The following KMT2C variants were observed in gnomAD, a reference collection of about 807,000 sequenced individuals.
The protein encoded by KMT2C is histone-lysine N-methyltransferase 2C.
In KMT2C, 88 loss-of-function variants were observed where a neutral mutation model predicts 507.9. The observed-to-expected ratio is 0.17, with a 90% CI of 0.15 to 0.21. The LOEUF is 0.21. Among genes scored for constraint, KMT2C ranks in the 10% least tolerant of loss-of-function variants. The pLI is 1.00. For synonymous variants in KMT2C, 2,049 were observed against 2,080.8 expected, an observed-to-expected ratio of 0.98 and a Z score of 0.42; for missense variants, 4,954 against 5,957.8, an observed-to-expected ratio of 0.83 and a Z score of 5.55.
intron 1 of KMT2C, among the ~76,000 whole-genome samples, chr7:152,422,133 C>T (rs1374668550): frequency 1.2e-4 from 18 of 152,014 alleles, no homozygotes; most frequent in Admixed American, 1.2e-3. Context: ...ACTACTTCCT[C>T]ACCATGCTGA....
chr7:152,178,875 C>A (rs968355739), intron 37 of KMT2C, among the ~76,000 whole-genome samples: 1 of 152,138 alleles, frequency 6.6e-6, no homozygotes, highest in Non-Finnish European at 1.5e-5. Context: ...TGACTTTAGC[C>A]ACTTTGAAAA....
At chr7:152,357,635 G>A (rs1032157861) in intron 2 of KMT2C, among the ~76,000 whole-genome samples, 2 of 151,798 alleles carry the variant, frequency 1.3e-5, no homozygotes, top group Non-Finnish European at 2.9e-5. Flanking sequence ...ATATGAAAAA[G>A]AATTAACAGT....
chr7:152,376,819 T>A (rs2097331711), intron 1 of KMT2C, among the ~76,000 whole-genome samples: 2 of 152,304 alleles, frequency 1.3e-5, no homozygotes, highest in African/African-American at 2.4e-5. Context: ...CAAGGTGTTT[T>A]ATGTAGACAA....
rs758103265 is a variant in KMT2C, at chr7:152,203,041, T to C, written c.3985A>G (p.Thr1329Ala). 2 of 1,610,874 alleles carry C rather than the reference T, an allele frequency of 1.2e-6. No individual in the cohort carries two copies. The highest frequency in any genetic ancestry group is 1.7e-6 in the Non-Finnish European group (2 of 1,178,086). The change falls in exon 26 of 59, where the codon ACT becomes GCT. Residue 1329 changes from threonine (T) to alanine (A), a missense_variant. Around this residue, in one of 29 missense-constraint regions of KMT2C, gnomAD observed 176 missense variants for 262.0 expected, o/e 0.67. Coordinates refer to ENST00000262189, the MANE Select transcript of KMT2C (RefSeq NM_170606.3). ...ACAGAAACAGATTCATCAACTAAAG[T>C]ATCTGGTAACTGCTCACTCCAGCCT... ...DDGWSEQLPD[T>A]LVDESVSVTE...
chr7:152,399,067 G>A (rs1045836303), intron 1 of KMT2C, among the ~76,000 whole-genome samples: 2 of 151,920 alleles, frequency 1.3e-5, no homozygotes, highest in Non-Finnish European at 2.9e-5. Context: ...GAGCTCAAGC[G>A]ATCCACCCAC....
Position 152,148,892 on chromosome 7 carries a change from G to A in KMT2C, c.13035C>T (p.Cys4345=), listed in dbSNP as rs769992601. The A allele has an allele frequency of 6.2e-6, 10 of 1,614,028 alleles. No individual in the cohort carries two copies. The highest frequency in any genetic ancestry group is 3.3e-5 in the South Asian group (3 of 91,078). The change falls in exon 52 of 59, where the codon TGC becomes TGT. Residue 4345 remains cysteine (C), a synonymous_variant. Coordinates refer to ENST00000262189, the MANE Select transcript of KMT2C (RefSeq NM_170606.3). The surrounding 1 kb of genome is among the most constrained non-coding windows in gnomAD (Gnocchi z 7.1). ...LRAVHGGFED[C]RPLNKKWRGM... is the part of the protein sequence containing the mutation. ...CTCTCCATTTTTTATTGAGCGGCCT[G>A]CAATCTTCAAACCCACCATGGACAG...
At chr7:152,368,521 G>A (rs2097265839) in intron 1 of KMT2C, 16 of 1,352,252 alleles carry the variant, frequency 1.2e-5, no homozygotes, top group Non-Finnish European at 1.7e-5. Context: ...AAAGAATTTG[G>A]AAGCACAGCA....
chr7:152,337,196 G>A (rs2129216742), intron 2 of KMT2C, among the ~76,000 whole-genome samples: 1 of 152,124 alleles, frequency 6.6e-6, no homozygotes, highest in South Asian at 2.1e-4. Flanking sequence ...CTTGAGCCTG[G>A]GAGGCAGAGG....
chr7:152,424,332 G>A (rs930329115), intron 1 of KMT2C, among the ~76,000 whole-genome samples: 2 of 152,202 alleles, frequency 1.3e-5, no homozygotes, highest in African/African-American at 4.8e-5. Context: ...TCTGCTTCCA[G>A]CAAAACAGAT....
intron 1 of KMT2C, 60 bp from the exon 2 acceptor site, chr7:152,358,735 G>A (rs890264997): frequency 9.1e-7 from 1 of 1,101,520 alleles, no homozygotes; most frequent in African/African-American, 1.6e-5. Flanking sequence ...TTAAGGCTTA[G>A]ACTTATATTC....
At chr7:152,206,238 C>T (rs2094305882) in intron 24 of KMT2C, among the ~76,000 whole-genome samples, 1 of 151,900 alleles carries the variant, frequency 6.6e-6, no homozygotes, top group South Asian at 2.1e-4. Flanking sequence ...TACTCCGTGA[C>T]CTAATGGGTC....
intron 1 of KMT2C, 141 bp downstream of exon 1, chr7:152,435,485 C>T: frequency 4.9e-6 from 1 of 204,944 alleles, no homozygotes; most frequent in Non-Finnish European, 8.3e-6. Context: ...GGGCCGGGAG[C>T]CGCCACCGCC....
rs530100133 is a variant in KMT2C, at chr7:152,280,436, G to A, written c.850-6569C>T. On this transcript the variant is annotated intron_variant, in intron 6 of 58. Coordinates refer to ENST00000262189, the MANE Select transcript of KMT2C (RefSeq NM_170606.3). ...CGTGGTGGCGCACGCCTGTAATCCCGGCCACCTGGGAGGCTGAGGCACGAG... is the reference window on the plus strand; with the variant it reads ...CGTGGTGGCGCACGCCTGTAATCCCAGCCACCTGGGAGGCTGAGGCACGAG... Among the ~76,000 whole-genome samples the A allele has an allele frequency of 1.9e-3, 284 of 152,244 alleles. 2 individuals are homozygous for A. The highest frequency in any genetic ancestry group is 0.01 in the Middle Eastern group (3 of 294).
At chr7:152,200,646 C>T (rs1174456538) in intron 26 of KMT2C, among the ~76,000 whole-genome samples, 1 of 152,166 alleles carries the variant, frequency 6.6e-6, no homozygotes, top group Admixed American at 6.5e-5. Flanking sequence ...ACGAGAATCA[C>T]TTGAACCCAG....
intron 3 of KMT2C, among the ~76,000 whole-genome samples, chr7:152,326,603 G>C (rs912008403): frequency 6.6e-6 from 1 of 152,082 alleles, no homozygotes; most frequent in Non-Finnish European, 1.5e-5. Flanking sequence ...AATTCAGGCC[G>C]GGGACGGTGG....
intron 2 of KMT2C, among the ~76,000 whole-genome samples, chr7:152,334,623 T>C (rs1397794219): frequency 6.6e-6 from 1 of 151,590 alleles, no homozygotes; most frequent in Non-Finnish European, 1.5e-5. Context: ...CAGAAGCAAC[T>C]GCGCAACCTC....
Position 152,181,461 on chromosome 7 carries a change from T to C in KMT2C, c.6399A>G (p.Gln2133=), listed in dbSNP as rs146690126. 2.7e-5 allele frequency: 43 copies of C among 1,613,652 alleles called. No individual in the cohort carries two copies. The highest frequency in any genetic ancestry group is 3.1e-5 in the Non-Finnish European group (37 of 1,179,968). Residue 2133 remains glutamine (Q), a synonymous_variant, in exon 36 of 59, where the codon CAA becomes CAG. Transcript: ENST00000262189. ...CAACAGGTCGTGGAGTTCCTGGGGG[T>C]TGGGAGTATGGGTCCTGAGATGTTG... ...SRPTSQDPYS[Q]PPGTPRPVVD...
intron 6 of KMT2C, among the ~76,000 whole-genome samples, chr7:152,282,175 T>C (rs2096227283): frequency 6.6e-6 from 1 of 151,822 alleles, no homozygotes; most frequent in South Asian, 2.1e-4. Flanking sequence ...TGCACGCCTG[T>C]AATCCTAGCT....
chr7:152,317,709 C>A (rs952633213), intron 3 of KMT2C, among the ~76,000 whole-genome samples: 1 of 152,198 alleles, frequency 6.6e-6, no homozygotes, highest in Non-Finnish European at 1.5e-5. Context: ...TTAGATGTCA[C>A]GCACTACAGC....
Sources: gnomAD v4.1 joint callset for allele counts (sites outside exome capture counted in the v4.1 genomes callset) on GRCh38, gnomAD v4.1.1 for gene constraint, gnomAD v4.1.1 regional missense constraint, Gnocchi (gnomAD v3.1) non-coding constraint, MANE v1.5 for transcripts, NCBI Gene and HGNC (gene_info 2026-07-23, HGNC 2026-07-21) for gene names.